ZNF805: variants seen among roughly 807,000 people sequenced by gnomAD.
ZNF805 encodes the protein zinc finger protein 805.
In ZNF805, 7 loss-of-function variants were observed where a neutral mutation model predicts 13.6. That is an observed-to-expected ratio of 0.51 (90% CI 0.29 to 0.97). The LOEUF (loss-of-function observed/expected upper bound fraction) is 0.97. ZNF805 is among the 50% of genes least tolerant of loss of function. The pLI, the probability that ZNF805 is intolerant of heterozygous loss-of-function variation, is 0.08. For synonymous variants in ZNF805, 293 were observed against 279.8 expected (o/e 1.05, Z -0.47); for missense variants, 604 against 771.0 (o/e 0.78, Z 2.57).
At position 57,255,352 on chromosome 19, in the gene ZNF805, A is replaced by T. The variant is rs2087681562; in HGVS notation, c.*649A>T. 6.6e-6 allele frequency among the ~76,000 whole-genome samples: 1 copy of T among 152,042 alleles called. No homozygotes were observed. Among genetic ancestry groups the T allele is most frequent in the Non-Finnish European group, 1.5e-5 (1 of 67,968 alleles). ...AAATTCATTTAGCATTCCTAGTTTG[A>T]CTTTCCATATACACTTTAGGATTGG... On this transcript the variant is annotated 3_prime_UTR_variant, in exon 4 of 4. Coordinates refer to ENST00000414468, the MANE Select transcript of ZNF805 (RefSeq NM_001023563.4).
In ZNF805 at chr19:57,254,029, T is replaced by G; in HGVS notation, c.1210T>G (p.Cys404Gly). Residue 404 changes from cysteine (C) to glycine (G), a missense_variant, in exon 4 of 4, where the codon TGT becomes GGT. By Grantham distance (159) the Cys-to-Gly change is radical (BLOSUM62 -3). This residue lies in a region of ZNF805 where 228 missense variants were observed against 352.8 expected (regional missense o/e 0.65). Transcript: ENST00000414468. ...AGAGAAGCCCTTTGAGTGCCTCGAG[T>G]GTGGGAAGGCTTTCAACCACCGATC... is the stretch of plus-strand genomic sequence containing the variant. ...TGEKPFECLE[C>G]GKAFNHRSYL... 6.2e-7 allele frequency: 1 copy of G among 1,612,976 alleles called. No homozygotes were observed. Among genetic ancestry groups the G allele is most frequent in the Non-Finnish European group, 8.5e-7 (1 of 1,179,610 alleles).
In ZNF805 at chr19:57,247,833, C is replaced by G. The variant is rs76535337; in HGVS notation, c.158-772C>G. Among the ~76,000 whole-genome samples the G allele has an allele frequency of 8.0e-3, 1,219 of 152,314 alleles. 17 individuals carry two copies. Among genetic ancestry groups the G allele is most frequent in the African/African-American group, 0.028 (1,147 of 41,558 alleles). On this transcript the variant is annotated intron_variant, in intron 2 of 3. Transcript: ENST00000414468. ...AGCAAATCACTTTACCTCCCCGAGC[C>G]TGGGTTTCTTTGTCAACAAAATGGT...
In ZNF805 at chr19:57,262,241, GTTAGC is replaced by G; in HGVS notation, c.*7542_*7546del. The G allele has an allele frequency of 6.0e-6, 1 of 166,950 alleles. No individual in the cohort carries two copies. The highest frequency in any genetic ancestry group is 2.1e-4 in the South Asian group (1 of 4,814). 10.3% of individuals were successfully genotyped at this position (166,950 alleles called of 1,614,324 possible). On this transcript the variant is annotated 3_prime_UTR_variant, in exon 4 of 4. Transcript: ENST00000414468. Reference sequence around the variant, plus strand: ...AGTAACTTAAATGGAAAAATGCTGAGTTAGCTTAAGTTTCTGTAACAAACATTAAG... The same window carrying G: ...AGTAACTTAAATGGAAAAATGCTGAGTTAAGTTTCTGTAACAAACATTAAG...
intron 3 of ZNF805, among the ~76,000 whole-genome samples, chr19:57,250,298 T>A (rs866557064): frequency 6.6e-6 from 1 of 152,170 alleles, no homozygotes; most frequent in African/African-American, 2.4e-5. Context: ...AATGGCGCGA[T>A]CTCGGCTCAC....
rs984289801 is a variant in ZNF805 at position 57,256,832 on chromosome 19, C to T, written c.*2129C>T. 5.9e-5 allele frequency among the ~76,000 whole-genome samples: 9 copies of T among 152,062 alleles called. No individual in the cohort carries two copies. The highest frequency in any genetic ancestry group is 2.0e-4 in the Admixed American group (3 of 15,264). On this transcript the variant is annotated 3_prime_UTR_variant, in exon 4 of 4. Coordinates refer to ENST00000414468, the MANE Select transcript of ZNF805 (RefSeq NM_001023563.4). ...CTCTGATGTGTATTGTATCCTTTCT[C>T]CTACTTGCTCTGGTTGTATTTGACT...
intron 2 of ZNF805, among the ~76,000 whole-genome samples, chr19:57,245,607 G>T (rs188050229): frequency 6.7e-6 from 1 of 148,550 alleles, no homozygotes; most frequent in South Asian, 2.2e-4. Flanking sequence ...GTGCAACCCT[G>T]TCTCTACTAA....
chr19:57,246,832 T>A (rs775709434), intron 2 of ZNF805, among the ~76,000 whole-genome samples: 1 of 151,918 alleles, frequency 6.6e-6, no homozygotes, highest in Non-Finnish European at 1.5e-5. Context: ...GAGCACTGAT[T>A]GGGTGTCTCA....
Position 57,253,037 on chromosome 19 carries a change from A to G in ZNF805, c.254-36A>G. On this transcript the variant is annotated intron_variant, in intron 3 of 3. Transcript: ENST00000414468. The surrounding 1 kb of genome is among the most constrained non-coding windows in gnomAD (Gnocchi z 4.4). ...AGTTTGTTTCTTCTCTTTTTACATTACTAACAAGCCCTTCTGTGTGTTGGA... is the reference window on the plus strand; with the variant it reads ...AGTTTGTTTCTTCTCTTTTTACATTGCTAACAAGCCCTTCTGTGTGTTGGA... 1.5e-6 allele frequency: 2 copies of G among 1,371,904 alleles called. No individual in the cohort carries two copies. The highest frequency in any genetic ancestry group is 1.9e-6 in the Non-Finnish European group (2 of 1,057,486). The allele number at this position is 1,371,904 out of a possible 1,614,324, so 85.0% of individuals were successfully genotyped here. A position where few individuals can be genotyped will look rare whatever the true frequency, so the allele number is the denominator to read the frequency against.
chr19:57,243,406 G>A (rs1318290413), intron 1 of ZNF805, among the ~76,000 whole-genome samples: 3 of 152,144 alleles, frequency 2.0e-5, no homozygotes, highest in Non-Finnish European at 4.4e-5. Flanking sequence ...GGGAAAATGG[G>A]AATTCTGTAT....
Position 57,253,376 on chromosome 19 carries a change from A to T in ZNF805, c.557A>T (p.Asp186Val). Residue 186 changes from aspartate (D) to valine (V), a missense_variant, in exon 4 of 4, where the codon GAC (aspartate) becomes GTC (valine). Asp to Val is a radical substitution (Grantham distance 152). Transcript: ENST00000414468. This position sits in a 1 kb window ranked among gnomAD's most constrained non-coding sequence, Gnocchi z 4.4. ...TTAGGAGATGATGTCCATGACTGTG[A>T]CTCACATGGATCAGGTAAAAATCCA... ...VSLGDDVHDC[D>V]SHGSGKNPVI... 6.4e-7 allele frequency: 1 copy of T among 1,561,478 alleles called. No individual in the cohort carries two copies. Among genetic ancestry groups the T allele is most frequent in the Non-Finnish European group, 8.7e-7 (1 of 1,152,340 alleles).
rs535703857 is a variant in ZNF805, at chr19:57,245,018, A to G, written c.157+969A>G. ...CTGGTTGCTCATGTATCTGCTCCAC[A>G]GCCCAGTCTGTGGTGTAAGGGTTGG... On this transcript the variant is annotated intron_variant, in intron 2 of 3. Transcript: ENST00000414468. 3.3e-5 allele frequency among the ~76,000 whole-genome samples: 5 copies of G among 152,106 alleles called. No homozygotes were observed. The South Asian group carries it at 1.0e-3, about 32-fold the overall frequency.
chr19:57,240,950 CT>C, intron 1 of ZNF805, 29 bp downstream of exon 1: 1 of 1,556,280 alleles, frequency 6.4e-7, no homozygotes, highest in Non-Finnish European at 8.7e-7. Flanking sequence ...GGCCTTGCTG[CT>C]TTTCTGCTAG....
intron 2 of ZNF805, among the ~76,000 whole-genome samples, chr19:57,245,517 T>C (rs7507571): frequency 0.63 from 95,652 of 151,580 alleles, 31,229 homozygotes; most frequent in East Asian, 0.74. Context: ...CGATAGCTCA[T>C]GCCTGTAATC....
chr19:57,241,050 G>A lies in ZNF805; in HGVS notation c.30+129G>A, dbSNP rs578210427. 7.5e-5 allele frequency: 78 copies of A among 1,037,130 alleles called. 1 individual carries two copies. In the African/African-American group the frequency reaches 1.2e-3, roughly 15 times the overall value. The allele number at this position is 1,037,130 out of a possible 1,614,324, so 64.2% of individuals were successfully genotyped here. A position where few individuals can be genotyped will look rare whatever the true frequency, so the allele number is the denominator to read the frequency against. On this transcript the variant is annotated intron_variant, in intron 1 of 3. Transcript: ENST00000414468. ...TGTTTGTTTACGAAACGTGGAGCAG[G>A]CTCGTCACTTAGTTTATCTCCTGTC...
rs998028540 is a variant in ZNF805, at chr19:57,262,453, T to C, written c.*7750T>C. 1 of 167,088 alleles carries C rather than the reference T, an allele frequency of 6.0e-6. No individual in the cohort carries two copies. The highest frequency in any genetic ancestry group is 2.4e-5 in the African/African-American group (1 of 41,450). The allele number at this position is 167,088 out of a possible 1,614,324, so 10.4% of individuals were successfully genotyped here. A position where few individuals can be genotyped will look rare whatever the true frequency, so the allele number is the denominator to read the frequency against. On this transcript the variant is annotated 3_prime_UTR_variant, in exon 4 of 4. Transcript: ENST00000414468. The stretch of plus-strand genomic sequence containing the variant: ...AGAGGAAGTCTTGTGAGAAAGGATC[T>C]TGCCTCTGCCTAGTATCTTTCACAG...
rs1315733810 is a variant in ZNF805 at position 57,257,603 on chromosome 19, CA to C, written c.*2901del. The stretch of plus-strand genomic sequence containing the variant: ...AATGCTTGCATGATTTACACTTCAT[CA>C]TTTTTTTAAACCTTATCTATATCAC... On this transcript the variant is annotated 3_prime_UTR_variant, in exon 4 of 4. Transcript: ENST00000414468. Among the ~76,000 whole-genome samples the C allele has an allele frequency of 1.3e-5, 2 of 150,408 alleles. No individual in the cohort carries two copies. Among genetic ancestry groups the C allele is most frequent in the Admixed American group, 6.6e-5 (1 of 15,112 alleles).
Position 57,248,627 on chromosome 19 carries a change from G to C in ZNF805, c.180G>C (p.Glu60Asp), listed in dbSNP as rs748582913. The change falls in exon 3 of 4, where the codon GAG becomes GAC. Residue 60 changes from glutamate to aspartate, a missense_variant. By Grantham distance (45) the Glu-to-Asp change is conservative. Coordinates refer to ENST00000414468, the MANE Select transcript of ZNF805 (RefSeq NM_001023563.4). ...VSLGCPVPRP[E>D]LIYHLEHGQE... ...CAGGGTGTCCTGTTCCCAGACCTGA[G>C]CTGATCTACCACCTAGAGCATGGGC... is the stretch of plus-strand genomic sequence containing the variant. The C allele has an allele frequency of 5.0e-6, 8 of 1,597,836 alleles. No individual in the cohort carries two copies. Among genetic ancestry groups the C allele is most frequent in the Non-Finnish European group, 6.8e-6 (8 of 1,171,556 alleles).
chr19:57,254,013 C>T lies in ZNF805; in HGVS notation c.1194C>T (p.Pro398=). 1 of 1,613,194 alleles carries T rather than the reference C, an allele frequency of 6.2e-7. No individual in the cohort carries two copies. The highest frequency in any genetic ancestry group is 8.5e-7 in the Non-Finnish European group (1 of 1,179,802). Residue 398 remains proline, a synonymous_variant, in exon 4 of 4, where the codon CCC becomes CCT. Transcript: ENST00000414468. The stretch of plus-strand genomic sequence containing the variant: ...ATGTCATCCACACTGGAGAGAAGCC[C>T]TTTGAGTGCCTCGAGTGTGGGAAGG... ...HHYVIHTGEK[P]FECLECGKAF...
rs1291893743 is a variant in ZNF805, at chr19:57,258,523, TATTA to T, written c.*3824_*3827del. ...TTAAATATATTTCTTTGTATTTTTGTATTAATTTTTTAGTGGTTGCTTTAAGTAG... is the reference window on the plus strand; with the variant it reads ...TTAAATATATTTCTTTGTATTTTTGTATTTTTTAGTGGTTGCTTTAAGTAG... On this transcript the variant is annotated 3_prime_UTR_variant, in exon 4 of 4. Transcript: ENST00000414468. Among the ~76,000 whole-genome samples the T allele has an allele frequency of 1.4e-5, 1 of 71,158 alleles. No individual in the cohort carries two copies. The highest frequency in any genetic ancestry group is 7.4e-5 in the African/African-American group (1 of 13,518). 46.7% of individuals were successfully genotyped at this position (71,158 alleles called of 152,430 possible).
Sources: gnomAD v4.1 joint callset for allele counts (sites outside exome capture counted in the v4.1 genomes callset) on GRCh38, gnomAD v4.1.1 for gene constraint, gnomAD v4.1.1 regional missense constraint, Gnocchi (gnomAD v3.1) non-coding constraint, MANE v1.5 for transcripts, NCBI Gene and HGNC (gene_info 2026-07-23, HGNC 2026-07-21) for gene names.